Variants in NPHP1 observed in about 807,000 individuals in gnomAD.
The protein encoded by NPHP1 is nephrocystin-1.
A neutral mutation model predicts 90.4 loss-of-function variants in NPHP1; 70 were observed. The observed-to-expected ratio is 0.77, with a 90% CI of 0.64 to 0.95. The LOEUF (loss-of-function observed/expected upper bound fraction) is 0.95. NPHP1 is among the 40% of genes least tolerant of loss of function. The pLI is 0.00. For missense variants in NPHP1, 764 were observed against 795.9 expected (o/e 0.96, Z 0.48); for synonymous variants, 256 against 271.7 (o/e 0.94, Z 0.57).
intron 4 of NPHP1, among the ~76,000 whole-genome samples, chr2:110,174,479 T>C (rs1160235161): frequency 1.3e-5 from 2 of 152,306 alleles, no homozygotes; most frequent in Admixed American, 6.5e-5. Context: ...AAAATAACTT[T>C]AAGATAAATA....
Position 110,146,852 on chromosome 2 carries a change from G to A in NPHP1, c.1270-17C>T, listed in dbSNP as rs761121528. 6.3e-7 allele frequency: 1 copy of A among 1,594,512 alleles called. No homozygotes were observed. The highest frequency in any genetic ancestry group is 1.1e-5 in the South Asian group (1 of 90,688). ...ACCAGTTGACTAGGAAATAAGACAA[G>A]TATATGAAACTTAAGGTCTGAACTA... On this transcript the variant is annotated splice_polypyrimidine_tract_variant and intron_variant, in intron 13 of 19. Transcript: ENST00000445609.
intron 15 of NPHP1, 190 bp downstream of exon 15, chr2:110,144,303 C>T (rs1680856885): frequency 1.7e-6 from 1 of 584,860 alleles, no homozygotes. Context: ...TTCATGATGT[C>T]TTAGAGTCTC....
chr2:110,169,765 A>G, intron 5 of NPHP1, 41 bp downstream of exon 5: 1 of 1,359,130 alleles, frequency 7.4e-7, no homozygotes, highest in Non-Finnish European at 1.1e-6. Context: ...TTAGGTATGG[A>G]CATCGACCCT....
At chr2:110,145,016 G>A (rs759113820) in intron 14 of NPHP1, among the ~76,000 whole-genome samples, 1 of 151,734 alleles carries the variant, frequency 6.6e-6, no homozygotes, top group African/African-American at 2.4e-5. Context: ...AATGGCAGAG[G>A]AATGATAAGT....
chr2:110,151,872 T>TA (rs1681494454), intron 11 of NPHP1, among the ~76,000 whole-genome samples: 1 of 152,174 alleles, frequency 6.6e-6, no homozygotes, highest in Non-Finnish European at 1.5e-5. Flanking sequence ...TGAAATCCTA[T>TA]ACTACCTCTG....
Position 110,184,646 on chromosome 2 carries a change from C to T in NPHP1, c.144-4962G>A, listed in dbSNP as rs1684153950. On this transcript the variant is annotated intron_variant, in intron 2 of 19. Transcript: ENST00000445609. ...ACATCTCTCGCTTCCTGCACCTCTA[C>T]CTGCATAAGGAGGGCTATGATTTCC... is the stretch of plus-strand genomic sequence containing the variant. 4 of 806,096 alleles carry T rather than the reference C, an allele frequency of 5.0e-6. No individual in the cohort carries two copies. The African/African-American group carries it at 6.7e-5, about 13-fold the overall frequency. 49.9% of individuals were successfully genotyped at this position (806,096 alleles called of 1,614,324 possible). A position where few individuals can be genotyped will look rare whatever the true frequency, so the allele number is the denominator to read the frequency against.
At chr2:110,124,288 C>T (rs750182390) in intron 19 of NPHP1, 12 of 600,650 alleles carry the variant, frequency 2.0e-5, no homozygotes, top group East Asian at 8.7e-5. Flanking sequence ...AGAGCCTCTA[C>T]GTGGCTCCAT....
intron 7 of NPHP1, 37 bp downstream of exon 7, chr2:110,165,015 C>T: frequency 6.7e-6 from 10 of 1,486,438 alleles, no homozygotes; most frequent in Non-Finnish European, 9.4e-6. Flanking sequence ...TAAAATGTTT[C>T]CTAAACCTAC....
chr2:110,183,187 C>T (rs1032410604), intron 2 of NPHP1, among the ~76,000 whole-genome samples: 1 of 152,160 alleles, frequency 6.6e-6, no homozygotes, highest in Middle Eastern at 3.2e-3. Context: ...TGGCCATAAA[C>T]AAAATCTCTG....
intron 2 of NPHP1, among the ~76,000 whole-genome samples, chr2:110,200,799 T>A (rs1440507899): frequency 6.6e-6 from 1 of 152,152 alleles, no homozygotes; most frequent in African/African-American, 2.4e-5. Context: ...ATTCATTTGT[T>A]TTGCCTTTAA....
At chr2:110,189,664 T>A (rs1041186098) in intron 2 of NPHP1, among the ~76,000 whole-genome samples, 22 of 152,220 alleles carry the variant, frequency 1.4e-4, no homozygotes, top group African/African-American at 5.3e-4. Context: ...CCCACCTACA[T>A]CCTGCTGATT....
intron 2 of NPHP1, among the ~76,000 whole-genome samples, chr2:110,189,001 G>C (rs991180056): frequency 6.6e-6 from 1 of 152,054 alleles, no homozygotes; most frequent in African/African-American, 2.4e-5. Flanking sequence ...ATTAATTCAA[G>C]ATAGATTAAA....
chr2:110,170,634 G>A (rs1683059969), intron 4 of NPHP1, among the ~76,000 whole-genome samples: 1 of 152,106 alleles, frequency 6.6e-6, no homozygotes, highest in Admixed American at 6.5e-5. Context: ...AGCTTGCAGT[G>A]AGACAATCTA....
chr2:110,138,019 T>C (rs1458822079), intron 16 of NPHP1, among the ~76,000 whole-genome samples: 1 of 151,956 alleles, frequency 6.6e-6, no homozygotes, highest in East Asian at 1.9e-4. Context: ...GTTCATGTCC[T>C]TTGTAGGGAC....
chr2:110,157,348 C>T (rs911382335), intron 11 of NPHP1, among the ~76,000 whole-genome samples: 1 of 152,028 alleles, frequency 6.6e-6, no homozygotes, highest in African/African-American at 2.4e-5. Flanking sequence ...AGCTCTTGGT[C>T]ACTGAGGACA....
At chr2:110,133,904 T>C (rs1488846394) in intron 16 of NPHP1, among the ~76,000 whole-genome samples, 1 of 151,924 alleles carries the variant, frequency 6.6e-6, no homozygotes, top group Non-Finnish European at 1.5e-5. Flanking sequence ...TTTATAGCTA[T>C]AAATACTTAA....
chr2:110,150,265 A>T lies in NPHP1; in HGVS notation c.1084-9T>A, dbSNP rs757937092. The stretch of plus-strand genomic sequence containing the variant: ...TGAATGTTGCTCAGAACCTGAAATG[A>T]GATTTTCCCTTTTGAAATCATGTAA... On this transcript the variant is annotated splice_polypyrimidine_tract_variant and intron_variant, in intron 11 of 19. Transcript: ENST00000445609. The T allele has an allele frequency of 6.2e-7, 1 of 1,613,342 alleles. No individual in the cohort carries two copies. The highest frequency in any genetic ancestry group is 1.1e-5 in the South Asian group (1 of 91,078).
At chr2:110,161,889 C>T (rs1682369329) in intron 9 of NPHP1, among the ~76,000 whole-genome samples, 192 bp from the exon 10 acceptor site, 1 of 152,080 alleles carries the variant, frequency 6.6e-6, no homozygotes, top group Non-Finnish European at 1.5e-5. Flanking sequence ...CTTACAGATA[C>T]AAACACATAA....
chr2:110,132,674 A>ACAG (rs781069115), intron 16 of NPHP1, among the ~76,000 whole-genome samples: 10 of 152,094 alleles, frequency 6.6e-5, no homozygotes, highest in Non-Finnish European at 1.2e-4. Context: ...AACAACAACA[A>ACAG]ATGAAATAAG....
Sources: gnomAD v4.1 joint callset for allele counts (sites outside exome capture counted in the v4.1 genomes callset) on GRCh38, gnomAD v4.1.1 for gene constraint, MANE v1.5 for transcripts, NCBI Gene and HGNC (gene_info 2026-07-23, HGNC 2026-07-21) for gene names.